PDILT: variants seen among roughly 807,000 people sequenced by gnomAD.
PDILT encodes protein disulfide isomerase like, testis expressed, also known as protein disulfide-isomerase-like protein of the testis.
In PDILT, 43 loss-of-function variants were observed where a neutral mutation model predicts 53.7. That is an observed-to-expected ratio of 0.80 (90% confidence interval 0.63 to 1.03). The LOEUF (loss-of-function observed/expected upper bound fraction) is 1.03, where lower values mean the gene tolerates loss of function less well. PDILT is among the 50% of genes least tolerant of loss of function. PDILT has a pLI of 0.00. For missense variants in PDILT, 727 were observed against 712.3 expected, an observed-to-expected ratio of 1.02 and a Z score of -0.24; for synonymous variants, 282 against 274.2, an observed-to-expected ratio of 1.03 and a Z score of -0.28.
At chr16:20,379,450 G>C (rs953004751) in intron 3 of PDILT, among the ~76,000 whole-genome samples, 18 of 152,062 alleles carry the variant, frequency 1.2e-4, no homozygotes, top group African/African-American at 3.9e-4. Context: ...ACAGGCATGA[G>C]CCACCACGCC....
Position 20,373,107 on chromosome 16 carries a change from G to C in PDILT, c.697C>G (p.Arg233Gly). The C allele has an allele frequency of 6.2e-7, 1 of 1,613,888 alleles. No individual in the cohort carries two copies. The highest frequency in any genetic ancestry group is 1.1e-5 in the South Asian group (1 of 91,044). ...LVFKKGKIVN[R>G]QKLINDSTNK... ...GTACTGTCATTAATAAGCTTTTGGC[G>C]GTTCACAATTTTTCCCTTGTACAAA... Residue 233 changes from arginine (R) to glycine (G), a missense_variant, in exon 6 of 12, where the codon CGC (arginine) becomes GGC (glycine). Physicochemically the swap from Arg to Gly is moderately radical, Grantham distance 125 (BLOSUM62 -2). Coordinates refer to ENST00000302451, the MANE Select transcript of PDILT (RefSeq NM_174924.2).
intron 3 of PDILT, among the ~76,000 whole-genome samples, chr16:20,379,077 A>G (rs1449399574): frequency 6.6e-6 from 1 of 151,432 alleles, no homozygotes; most frequent in Non-Finnish European, 1.5e-5. Flanking sequence ...GCAGTGGTGT[A>G]GTCGTGGCTT....
chr16:20,359,484 T>C lies in PDILT; in HGVS notation c.1590A>G (p.Leu530=). The change falls in exon 12 of 12, where the codon TTA becomes TTG. Residue 530 remains leucine, a synonymous_variant. Coordinates refer to ENST00000302451, the MANE Select transcript of PDILT (RefSeq NM_174924.2). ...EKEVPMMRKG[L]PEQQSPELEN... ...CCAGCTCAGGCGACTGCTGTTCAGG[T>C]AACCCTTTCCTCATCATAGGCACCT... 9 of 1,614,166 alleles carry C rather than the reference T, an allele frequency of 5.6e-6. No individual in the cohort carries two copies. Among genetic ancestry groups the C allele is most frequent in the Non-Finnish European group, 7.6e-6 (9 of 1,179,994 alleles).
intron 2 of PDILT, among the ~76,000 whole-genome samples, chr16:20,386,712 C>G (rs1966544482): frequency 6.6e-6 from 1 of 152,206 alleles, no homozygotes. Context: ...TTCGATATCC[C>G]CTGATATCCC....
chr16:20,383,304 C>A (rs907676196), intron 3 of PDILT, among the ~76,000 whole-genome samples: 7 of 152,204 alleles, frequency 4.6e-5, no homozygotes, highest in African/African-American at 1.7e-4. Context: ...TAGGGCCTCT[C>A]ATTTCCTCAC....
At chr16:20,359,665 C>T (rs1966069038) in intron 11 of PDILT, 98 bp from the exon 12 acceptor site, 2 of 1,218,034 alleles carry the variant, frequency 1.6e-6, no homozygotes, top group East Asian at 2.4e-5. Flanking sequence ...TTGTAATAGT[C>T]AAGCCTACTT....
Position 20,386,616 on chromosome 16 carries a change from C to T in PDILT, c.203-1765G>A, listed in dbSNP as rs545236525. Among the ~76,000 whole-genome samples, 23 of 152,344 alleles carry T rather than the reference C, an allele frequency of 1.5e-4. No homozygotes were observed. In the South Asian group the frequency reaches 4.8e-3, roughly 32 times the overall value. On this transcript the variant is annotated intron_variant, in intron 2 of 11. Coordinates refer to ENST00000302451, the MANE Select transcript of PDILT (RefSeq NM_174924.2). Reference sequence around the variant, plus strand: ...AGTGAATGATCGCTTTCATTAAACTCCCGGTCAATGGACCGGAAGCGGGGA... The same window carrying T: ...AGTGAATGATCGCTTTCATTAAACTTCCGGTCAATGGACCGGAAGCGGGGA...
intron 9 of PDILT, among the ~76,000 whole-genome samples, chr16:20,364,015 A>G (rs1445516183): frequency 6.6e-6 from 1 of 152,094 alleles, no homozygotes; most frequent in Non-Finnish European, 1.5e-5. Flanking sequence ...ATCATACCCC[A>G]TTTACAAGCC....
chr16:20,367,872 G>A (rs1039776385), intron 8 of PDILT, among the ~76,000 whole-genome samples: 4 of 152,190 alleles, frequency 2.6e-5, no homozygotes, highest in African/African-American at 9.7e-5. Flanking sequence ...GGTGATGTTG[G>A]TCTGGAAGCA....
rs1030871364 is a variant in PDILT at position 20,376,311 on chromosome 16, C to T, written c.410-110G>A. Reference sequence around the variant, plus strand: ...ATAGAACCTTCTTGTCTCAGGCTCCCACCCCTTGAAGGCCAAAGTCAGTTC... The same window carrying T: ...ATAGAACCTTCTTGTCTCAGGCTCCTACCCCTTGAAGGCCAAAGTCAGTTC... On this transcript the variant is annotated intron_variant, in intron 3 of 11. Coordinates refer to ENST00000302451, the MANE Select transcript of PDILT (RefSeq NM_174924.2). 1.6e-5 allele frequency: 22 copies of T among 1,376,018 alleles called. No homozygotes were observed. In the African/African-American group the frequency reaches 2.8e-4, roughly 17 times the overall value. The allele number at this position is 1,376,018 out of a possible 1,614,324, so 85.2% of individuals were successfully genotyped here.
At chr16:20,365,635 C>T (rs548701052) in intron 8 of PDILT, 95 bp from the exon 9 acceptor site, 15 of 1,454,248 alleles carry the variant, frequency 1.0e-5, no homozygotes, top group African/African-American at 2.9e-5. Flanking sequence ...AAGGTTTTCT[C>T]GTGTTTTTTT....
At chr16:20,367,989 C>A (rs1045416432) in intron 8 of PDILT, among the ~76,000 whole-genome samples, 14 of 152,016 alleles carry the variant, frequency 9.2e-5, no homozygotes, top group African/African-American at 3.4e-4. Context: ...GAATCATCAT[C>A]AGAGCAATGA....
chr16:20,370,832 C>T (rs1966296149), intron 7 of PDILT, among the ~76,000 whole-genome samples: 1 of 152,206 alleles, frequency 6.6e-6, no homozygotes. Context: ...TGGGCATCCT[C>T]ACTGCTACAC....
At chr16:20,362,661 T>C in intron 9 of PDILT, 79 bp from the exon 10 acceptor site, 2 of 1,400,506 alleles carry the variant, frequency 1.4e-6, no homozygotes, top group South Asian at 1.3e-5. Context: ...ATGGCATCGC[T>C]GTGTTCCACT....
chr16:20,369,013 C>T (rs1419465983), intron 8 of PDILT, among the ~76,000 whole-genome samples: 3 of 152,212 alleles, frequency 2.0e-5, no homozygotes, highest in Admixed American at 6.5e-5. Flanking sequence ...TCTGCAGCCT[C>T]TCCTTCCTGT....
In PDILT at chr16:20,359,233, A is replaced by T; in HGVS notation, c.*86T>A. The T allele has an allele frequency of 2.0e-6, 3 of 1,531,528 alleles. No homozygotes were observed. Among genetic ancestry groups the T allele is most frequent in the Non-Finnish European group, 2.7e-6 (3 of 1,131,080 alleles). 94.9% of individuals were successfully genotyped at this position (1,531,528 alleles called of 1,614,324 possible). A position where few individuals can be genotyped will look rare whatever the true frequency, so the allele number is the denominator to read the frequency against. On this transcript the variant is annotated 3_prime_UTR_variant, in exon 12 of 12. Transcript: ENST00000302451. ...CCGCCCCACCTACCCTACCACAATG[A>T]TATATGCTTTTATTGGAATCAATCC... is the stretch of plus-strand genomic sequence containing the variant.
Position 20,371,919 on chromosome 16 carries a change from T to C in PDILT, c.918+883A>G, listed in dbSNP as rs147702672. Among the ~76,000 whole-genome samples, 57 of 152,338 alleles carry C rather than the reference T, an allele frequency of 3.7e-4. No individual in the cohort carries two copies. In the East Asian group the frequency reaches 6.5e-3, roughly 17 times the overall value. ...CTTTTTTGAAAATAATGTGGTGGAA[T>C]GTAGCATGACCATTACTTGTGTTAT... On this transcript the variant is annotated intron_variant, in intron 7 of 11. Transcript: ENST00000302451.
At chr16:20,364,752 T>A (rs1235279089) in intron 9 of PDILT, among the ~76,000 whole-genome samples, 1 of 152,208 alleles carries the variant, frequency 6.6e-6, no homozygotes, top group Non-Finnish European at 1.5e-5. Flanking sequence ...GAAGTAATTA[T>A]AATGATAGGA....
At chr16:20,366,976 C>A (rs957114883) in intron 8 of PDILT, among the ~76,000 whole-genome samples, 555 of 51,272 alleles carry the variant, frequency 0.011, 35 homozygotes, top group South Asian at 0.1. Context: ...TCCTTCCTTC[C>A]TTCCTTCCTT....
Sources: allele counts gnomAD v4.1 joint callset (sites outside exome capture counted in the v4.1 genomes callset), GRCh38; gene constraint gnomAD v4.1.1; transcripts MANE v1.5; gene names NCBI Gene and HGNC (gene_info 2026-07-23, HGNC 2026-07-21).